Variants in ZNF277 observed in about 807,000 individuals in gnomAD.
ZNF277 encodes the protein zinc finger protein 277.
In ZNF277, 55 loss-of-function variants were observed where a neutral mutation model predicts 60.7. That is an observed-to-expected ratio of 0.91 (90% CI 0.73 to 1.13). The LOEUF is 1.13. ZNF277 is among the 50% of genes most tolerant of loss of function. The pLI is 0.00. For synonymous variants in ZNF277, 178 were observed against 179.3 expected (o/e 0.99, Z 0.06); for missense variants, 510 against 523.0 (o/e 0.98, Z 0.24).
chr7:112,273,257 C>G (rs10225540), intron 1 of ZNF277, among the ~76,000 whole-genome samples: 8,557 of 152,264 alleles, frequency 0.056, 644 homozygotes, highest in African/African-American at 0.17. Context: ...TCCCCTCTGA[C>G]TAGGGATGGT....
intron 4 of ZNF277, among the ~76,000 whole-genome samples, chr7:112,308,032 A>G (rs1374410356): frequency 6.6e-6 from 1 of 151,984 alleles, no homozygotes; most frequent in Non-Finnish European, 1.5e-5. Context: ...TGACTTACCT[A>G]TCAATTATTG....
chr7:112,268,479 T>G (rs1255238303), intron 1 of ZNF277, among the ~76,000 whole-genome samples: 2 of 152,162 alleles, frequency 1.3e-5, no homozygotes, highest in Non-Finnish European at 2.9e-5. Flanking sequence ...TGTTGCTTTT[T>G]GTCTTTTTCT....
At chr7:112,314,850 C>A (rs1291446487) in intron 4 of ZNF277, among the ~76,000 whole-genome samples, 1 of 151,974 alleles carries the variant, frequency 6.6e-6, no homozygotes, top group Non-Finnish European at 1.5e-5. Flanking sequence ...ATTGTGAATG[C>A]CATGCTAAAT....
In ZNF277 at chr7:112,342,918, G is replaced by GA. The variant is rs925477118; in HGVS notation, c.*197dup. The stretch of plus-strand genomic sequence containing the variant: ...AGAAAAATGCACTTACTAAGAACAT[G>GA]AAAAAAAATGAAGTAGGAAAATAAG... On this transcript the variant is annotated 3_prime_UTR_variant, in exon 12 of 12. Transcript: ENST00000361822. 11 of 389,546 alleles carry GA rather than the reference G, an allele frequency of 2.8e-5. No individual in the cohort carries two copies. The highest frequency in any genetic ancestry group is 1.4e-4 in the South Asian group (2 of 14,146). 24.1% of individuals were successfully genotyped at this position (389,546 alleles called of 1,614,324 possible).
At chr7:112,214,717 G>A (rs1821836902) in intron 1 of ZNF277, among the ~76,000 whole-genome samples, 1 of 152,140 alleles carries the variant, frequency 6.6e-6, no homozygotes, top group Non-Finnish European at 1.5e-5. Context: ...GAAAGAGGGA[G>A]TCAACAATTG....
intron 1 of ZNF277, among the ~76,000 whole-genome samples, chr7:112,244,444 G>T (rs1049725003): frequency 2.0e-5 from 3 of 152,056 alleles, no homozygotes; most frequent in Admixed American, 1.3e-4. Context: ...GTGACCTATT[G>T]AGGTTTTAAG....
chr7:112,312,573 A>G (rs1394080793), intron 4 of ZNF277, among the ~76,000 whole-genome samples: 2 of 152,222 alleles, frequency 1.3e-5, no homozygotes, highest in Non-Finnish European at 2.9e-5. Flanking sequence ...GTACAGCCAA[A>G]ACAAAGTATA....
rs375726957 is a variant in ZNF277 at position 112,262,848 on chromosome 7, TA to T, written c.92-24018del. Among the ~76,000 whole-genome samples the T allele has an allele frequency of 4.2e-4, 64 of 152,142 alleles. 1 individual carries two copies. The South Asian group carries it at 0.011, about 27-fold the overall frequency. ...GGGACTTAGACACTCACAGTGTCCA[TA>T]AAAAAATAATAAAAATAGTACAGAG... On this transcript the variant is annotated intron_variant, in intron 1 of 11. Transcript: ENST00000361822.
intron 1 of ZNF277, among the ~76,000 whole-genome samples, chr7:112,283,956 C>A (rs11760599): frequency 0.13 from 19,414 of 152,094 alleles, 1,329 homozygotes; most frequent in Non-Finnish European, 0.15. Context: ...ACCAAATATA[C>A]ATACTAAAGA....
chr7:112,225,542 AT>A (rs1378722407), intron 1 of ZNF277, among the ~76,000 whole-genome samples: 13 of 152,282 alleles, frequency 8.5e-5, no homozygotes, highest in African/African-American at 2.9e-4. Context: ...TCTCATTTAT[AT>A]TTTTAGATGT....
At position 112,225,973 on chromosome 7, in the gene ZNF277, T is replaced by G. The variant is rs1030018182; in HGVS notation, c.91+19166T>G. Among the ~76,000 whole-genome samples the G allele has an allele frequency of 2.0e-5, 3 of 152,210 alleles. No homozygotes were observed. The East Asian group carries it at 5.8e-4, about 29-fold the overall frequency. ...TTTACTTAGGACTTTAGTGTGCTAA[T>G]TTTTGTGACTGTCCAAGACATAAAT... On this transcript the variant is annotated intron_variant, in intron 1 of 11. Transcript: ENST00000361822.
intron 7 of ZNF277, among the ~76,000 whole-genome samples, chr7:112,333,701 G>C (rs1176579312): frequency 6.6e-6 from 1 of 152,226 alleles, no homozygotes; most frequent in African/African-American, 2.4e-5. Flanking sequence ...TCTTAGGTGA[G>C]ATAATTTCTG....
intron 1 of ZNF277, among the ~76,000 whole-genome samples, chr7:112,286,076 G>A (rs538941980): frequency 6.6e-6 from 1 of 152,282 alleles, no homozygotes; most frequent in South Asian, 2.1e-4. Flanking sequence ...CTACTGTCAC[G>A]ACTGGCTGTG....
chr7:112,309,498 C>T (rs551189479), intron 4 of ZNF277, among the ~76,000 whole-genome samples: 2 of 151,962 alleles, frequency 1.3e-5, no homozygotes, highest in Non-Finnish European at 2.9e-5. Context: ...CCCTCTGTAC[C>T]GTTTTCACTG....
chr7:112,247,392 A>G (rs1227045118), intron 1 of ZNF277, among the ~76,000 whole-genome samples: 1 of 152,216 alleles, frequency 6.6e-6, no homozygotes, highest in African/African-American at 2.4e-5. Flanking sequence ...AAATTTTGAG[A>G]TAGCAGATTG....
chr7:112,265,677 G>T (rs1457928919), intron 1 of ZNF277, among the ~76,000 whole-genome samples: 1 of 152,144 alleles, frequency 6.6e-6, no homozygotes, highest in Non-Finnish European at 1.5e-5. Flanking sequence ...TGTATATGAA[G>T]AAAAATCATC....
chr7:112,270,271 A>C (rs956816722), intron 1 of ZNF277, among the ~76,000 whole-genome samples: 1 of 152,102 alleles, frequency 6.6e-6, no homozygotes, highest in Non-Finnish European at 1.5e-5. Context: ...AGTTTCATCA[A>C]AATTAAATAT....
At chr7:112,285,647 G>A (rs1792048261) in intron 1 of ZNF277, among the ~76,000 whole-genome samples, 1 of 151,454 alleles carries the variant, frequency 6.6e-6, no homozygotes, top group African/African-American at 2.4e-5. Context: ...TGTTGGCCAG[G>A]CTGGTCTCAA....
At chr7:112,274,468 T>A (rs1791748324) in intron 1 of ZNF277, among the ~76,000 whole-genome samples, 1 of 152,196 alleles carries the variant, frequency 6.6e-6, no homozygotes, top group South Asian at 2.1e-4. Flanking sequence ...TTATTAACTT[T>A]TATAGGCCTA....
Sources: allele counts gnomAD v4.1 joint callset (sites outside exome capture counted in the v4.1 genomes callset), GRCh38; gene constraint gnomAD v4.1.1; transcripts MANE v1.5; gene names NCBI Gene and HGNC (gene_info 2026-07-23, HGNC 2026-07-21).